FAM20A: variants seen among roughly 807,000 people sequenced by gnomAD.
FAM20A encodes pseudokinase FAM20A.
In FAM20A, 42 loss-of-function variants were observed where a neutral mutation model predicts 52.0. The observed-to-expected ratio is 0.81, with a 90% CI of 0.63 to 1.04. The LOEUF (loss-of-function observed/expected upper bound fraction) is 1.04, where lower values mean the gene tolerates loss of function less well. Ranked by LOEUF, FAM20A falls within the 50% of genes least tolerant of loss-of-function variation. The probability of loss-of-function intolerance (pLI) is 0.00; values close to 1 mark genes in which losing one functional copy is unlikely to be tolerated. For missense variants in FAM20A, 742 were observed against 712.7 expected, an observed-to-expected ratio of 1.04 and a Z score of -0.47; for synonymous variants, 304 against 298.9, an observed-to-expected ratio of 1.02 and a Z score of -0.18.
intron 1 of FAM20A, among the ~76,000 whole-genome samples, chr17:68,571,867 T>G (rs2143798983): frequency 6.6e-6 from 1 of 151,258 alleles, no homozygotes; most frequent in South Asian, 2.1e-4. Context: ...AAAGGTTTAT[T>G]TAGAATGAAA....
chr17:68,553,612 A>G (rs2086938928), intron 3 of FAM20A, among the ~76,000 whole-genome samples: 1 of 152,068 alleles, frequency 6.6e-6, no homozygotes, highest in African/African-American at 2.4e-5. Context: ...CACTTATCCT[A>G]GTGAGTCTCA....
chr17:68,563,839 C>T lies in FAM20A; in HGVS notation c.405-8096G>A, dbSNP rs549759508. ...CAAGGACCACCTCAGATGTCTCCATCTCTAGCATTAACCTTTCTTTGACTG... is the reference window on the plus strand; with the variant it reads ...CAAGGACCACCTCAGATGTCTCCATTTCTAGCATTAACCTTTCTTTGACTG... On this transcript the variant is annotated intron_variant, in intron 1 of 10. Coordinates refer to ENST00000592554, the MANE Select transcript of FAM20A (RefSeq NM_017565.4). Among the ~76,000 whole-genome samples the T allele has an allele frequency of 1.4e-4, 21 of 152,318 alleles. No individual in the cohort carries two copies. In the East Asian group the frequency reaches 4.0e-3, roughly 29 times the overall value.
At chr17:68,577,328 C>T (rs1260492409) in intron 1 of FAM20A, among the ~76,000 whole-genome samples, 2 of 152,240 alleles carry the variant, frequency 1.3e-5, no homozygotes, top group African/African-American at 4.8e-5. Flanking sequence ...TGCGGAGCTC[C>T]TCAACCTAAT....
intron 1 of FAM20A, among the ~76,000 whole-genome samples, chr17:68,566,507 G>A (rs764870036): frequency 9.9e-5 from 15 of 152,184 alleles, no homozygotes; most frequent in East Asian, 3.9e-4. Flanking sequence ...AGAGTATTTC[G>A]CTCCAAGTTG....
chr17:68,536,816 C>G lies in FAM20A; in HGVS notation c.*661G>C, dbSNP rs1300469697. Reference sequence around the variant, plus strand: ...ATTTGATGTTATTTCAATTGTAATACTCTTCAAATTGGAACACTCCTTTTC... The same window carrying G: ...ATTTGATGTTATTTCAATTGTAATAGTCTTCAAATTGGAACACTCCTTTTC... On this transcript the variant is annotated 3_prime_UTR_variant, in exon 11 of 11. Coordinates refer to ENST00000592554, the MANE Select transcript of FAM20A (RefSeq NM_017565.4). 4.4e-6 allele frequency: 2 copies of G among 454,030 alleles called. No homozygotes were observed. The highest frequency in any genetic ancestry group is 4.7e-5 in the Admixed American group (2 of 42,568). The allele number at this position is 454,030 out of a possible 1,614,324, so 28.1% of individuals were successfully genotyped here.
At chr17:68,597,192 A>G (rs370302126) in intron 1 of FAM20A, among the ~76,000 whole-genome samples, 3 of 149,260 alleles carry the variant, frequency 2.0e-5, no homozygotes, top group African/African-American at 2.5e-5. Flanking sequence ...ACTTCATACC[A>G]TTTCTTATTA....
intron 6 of FAM20A, 148 bp from the exon 7 acceptor site, chr17:68,542,313 C>A: frequency 1.1e-6 from 1 of 933,154 alleles, no homozygotes; most frequent in Admixed American, 2.2e-5. Flanking sequence ...ATTGACTTTT[C>A]CAGAAGTGAG....
At chr17:68,544,600 A>G (rs1056167818) in intron 4 of FAM20A, among the ~76,000 whole-genome samples, 3 of 152,250 alleles carry the variant, frequency 2.0e-5, no homozygotes, top group East Asian at 1.9e-4. Flanking sequence ...AGCACTGGCA[A>G]TTTAAACCGT....
At chr17:68,590,122 A>G (rs987413008) in intron 1 of FAM20A, 3 of 152,240 alleles carry the variant, frequency 2.0e-5, no homozygotes, top group African/African-American at 7.2e-5. Flanking sequence ...TATAAAAATT[A>G]CCTTAAAGTA....
chr17:68,549,409 G>A (rs1417914045), intron 4 of FAM20A, among the ~76,000 whole-genome samples: 1 of 151,652 alleles, frequency 6.6e-6, no homozygotes, highest in East Asian at 1.9e-4. Context: ...CAGGATAATT[G>A]CTTGAACCTG....
At chr17:68,562,327 T>C (rs906229929) in intron 1 of FAM20A, among the ~76,000 whole-genome samples, 3 of 152,238 alleles carry the variant, frequency 2.0e-5, no homozygotes, top group African/African-American at 7.2e-5. Context: ...TGTAGTGACG[T>C]AGAAGGATGT....
In FAM20A at chr17:68,564,148, G is replaced by GT. The variant is rs1555827320; in HGVS notation, c.405-8406_405-8405insA. On this transcript the variant is annotated intron_variant, in intron 1 of 10. Coordinates refer to ENST00000592554, the MANE Select transcript of FAM20A (RefSeq NM_017565.4). Reference sequence around the variant, plus strand: ...ACACGATGTCTCATGTGATCCTGCAGCCCCCCACGAGATACATATTCCTAT... The same window carrying GT: ...ACACGATGTCTCATGTGATCCTGCAGTCCCCCCACGAGATACATATTCCTAT... Among the ~76,000 whole-genome samples, 13 of 152,040 alleles carry GT rather than the reference G, an allele frequency of 8.6e-5. No homozygotes were observed. The South Asian group carries it at 2.7e-3, about 32-fold the overall frequency.
chr17:68,570,114 C>T (rs1367902929), intron 1 of FAM20A, among the ~76,000 whole-genome samples: 2 of 152,112 alleles, frequency 1.3e-5, no homozygotes, highest in African/African-American at 2.4e-5. Context: ...CTTGCTTTGT[C>T]GCCCAGGCTG....
At chr17:68,590,628 A>G (rs1567750745) in intron 1 of FAM20A, among the ~76,000 whole-genome samples, 1 of 152,232 alleles carries the variant, frequency 6.6e-6, no homozygotes, top group Non-Finnish European at 1.5e-5. Flanking sequence ...GCACATGTGA[A>G]TTTATGATTG....
At chr17:68,574,060 C>T (rs1023202792) in intron 1 of FAM20A, among the ~76,000 whole-genome samples, 1 of 151,950 alleles carries the variant, frequency 6.6e-6, no homozygotes, top group Admixed American at 6.6e-5. Context: ...GTGGTGGGAA[C>T]TCTCTCTAGA....
chr17:68,598,494 T>G (rs2088521315), intron 1 of FAM20A, among the ~76,000 whole-genome samples: 1 of 152,184 alleles, frequency 6.6e-6, no homozygotes, highest in East Asian at 1.9e-4. Context: ...AATGTCACAT[T>G]TGAGCAACCA....
chr17:68,548,979 G>A lies in FAM20A; in HGVS notation c.719+2894C>T, dbSNP rs374260211. ...GATCTCCTGACCTCGTGATCTGCCCGCCTCAGCCTCCCAAAGTGCTGGGAT... is the reference window on the plus strand; with the variant it reads ...GATCTCCTGACCTCGTGATCTGCCCACCTCAGCCTCCCAAAGTGCTGGGAT... On this transcript the variant is annotated intron_variant, in intron 4 of 10. Transcript: ENST00000592554. Among the ~76,000 whole-genome samples the A allele has an allele frequency of 3.1e-3, 475 of 151,902 alleles. 3 individuals are homozygous for A. The highest frequency in any genetic ancestry group is 0.011 in the African/African-American group (456 of 41,448).
At position 68,551,081 on chromosome 17, in the gene FAM20A, C is replaced by T. The variant is rs942410923; in HGVS notation, c.719+792G>A. 8.1e-6 allele frequency: 10 copies of T among 1,234,188 alleles called. No individual in the cohort carries two copies. The African/African-American group carries it at 1.6e-4, about 19-fold the overall frequency. The allele number at this position is 1,234,188 out of a possible 1,614,324, so 76.5% of individuals were successfully genotyped here. A position where few individuals can be genotyped will look rare whatever the true frequency, so the allele number is the denominator to read the frequency against. ...CCTCTTGGGGCGATTTTCTTTTCTG[C>T]AGGTCACCTCATCATCTCAAGGAGG... On this transcript the variant is annotated intron_variant, in intron 4 of 10. Coordinates refer to ENST00000592554, the MANE Select transcript of FAM20A (RefSeq NM_017565.4).
chr17:68,537,543 A>G lies in FAM20A; in HGVS notation c.1560T>C (p.Ser520=). Residue 520 remains serine (S), a synonymous_variant, in exon 11 of 11, where the codon AGT becomes AGC. Transcript: ENST00000592554. The surrounding 1 kb of genome is among the most constrained non-coding windows in gnomAD (Gnocchi z 4.2). ...EGCIVAHGQQ[S]VIVDGPVEQL... is the part of the protein sequence containing the mutation. ...GTTCCACTGGGCCGTCGACTATGACACTCTGCTGTCCATGGGCCACTATGC... is the reference window on the plus strand; with the variant it reads ...GTTCCACTGGGCCGTCGACTATGACGCTCTGCTGTCCATGGGCCACTATGC... 6.2e-7 allele frequency: 1 copy of G among 1,613,410 alleles called. No homozygotes were observed. Among genetic ancestry groups the G allele is most frequent in the Non-Finnish European group, 8.5e-7 (1 of 1,179,750 alleles).
Sources: allele counts gnomAD v4.1 joint callset (sites outside exome capture counted in the v4.1 genomes callset), GRCh38; gene constraint gnomAD v4.1.1; non-coding constraint Gnocchi (gnomAD v3.1); transcripts MANE v1.5; gene names NCBI Gene and HGNC (gene_info 2026-07-23, HGNC 2026-07-21).